Variants in MCMDC2 observed in about 807,000 individuals in gnomAD.
MCMDC2 encodes the protein minichromosome maintenance domain containing 2.
MCMDC2 carries 54 observed loss-of-function variants against 75.8 expected under a neutral mutation model. That is an observed-to-expected ratio of 0.71 (90% CI 0.57 to 0.89). MCMDC2 has a LOEUF of 0.89. Among genes scored for constraint, MCMDC2 ranks in the 40% least tolerant of loss-of-function variants. The pLI is 0.00. For missense variants in MCMDC2, 656 were observed against 780.4 expected (o/e 0.84, Z 1.90); for synonymous variants, 249 against 274.6 (o/e 0.91, Z 0.92).
At chr8:66,879,396 C>T (rs778143706) in intron 7 of MCMDC2, among the ~76,000 whole-genome samples, 17 of 152,136 alleles carry the variant, frequency 1.1e-4, no homozygotes, top group South Asian at 6.2e-4. Context: ...AGTTCAAGAC[C>T]AGCCTGGCCA....
Position 66,905,172 on chromosome 8 carries a change from ATAT to A in MCMDC2, c.1770-49_1770-47del. On this transcript the variant is annotated intron_variant, in intron 13 of 14. Coordinates refer to ENST00000422365, the MANE Select transcript of MCMDC2 (RefSeq NM_173518.5). ...TCTCGATTTGTTCCTGCCAAAATAT[ATAT>A]TATTTTTATAATATCAACATATTTT... is the stretch of plus-strand genomic sequence containing the variant. 3.1e-6 allele frequency: 4 copies of A among 1,294,468 alleles called. No homozygotes were observed. The Admixed American group carries it at 1.4e-4, about 44-fold the overall frequency. 80.2% of individuals were successfully genotyped at this position (1,294,468 alleles called of 1,614,324 possible). A position where few individuals can be genotyped will look rare whatever the true frequency, so the allele number is the denominator to read the frequency against.
rs139061054 is a variant in MCMDC2 at position 66,878,407 on chromosome 8, G to A, written c.482-167G>A. On this transcript the variant is annotated intron_variant, in intron 5 of 14. Transcript: ENST00000422365. ...CCAAGTGCAAAACTGAATTAATTCC[G>A]TTTTGAATTAGACTAATTTTAAAGG... Among the ~76,000 whole-genome samples the A allele has an allele frequency of 6.8e-3, 1,032 of 152,246 alleles. 14 individuals carry two copies. Among genetic ancestry groups the A allele is most frequent in the African/African-American group, 0.022 (930 of 41,538 alleles).
Position 66,918,067 on chromosome 8 carries a change from TTTTG to T in MCMDC2, c.1880-932_1880-929del, listed in dbSNP as rs546990380. ...TCCACATCCTCTCTAACACTTGTCATTTTGTTTTTTATTTTTATAATAAATCCTT... is the reference window on the plus strand; with the variant it reads ...TCCACATCCTCTCTAACACTTGTCATTTTTTTATTTTTATAATAAATCCTT... On this transcript the variant is annotated intron_variant, in intron 14 of 14. Transcript: ENST00000422365. 2.2e-3 allele frequency among the ~76,000 whole-genome samples: 332 copies of T among 152,318 alleles called. 4 individuals are homozygous for T. Among genetic ancestry groups the T allele is most frequent in the African/African-American group, 7.4e-3 (309 of 41,574 alleles).
chr8:66,876,492 GC>G (rs1343857752), intron 4 of MCMDC2, among the ~76,000 whole-genome samples: 1 of 151,904 alleles, frequency 6.6e-6, no homozygotes, highest in East Asian at 1.9e-4. Context: ...GCTCATATTA[GC>G]CTACCTTTTG....
At chr8:66,879,625 G>A (rs898650629) in intron 7 of MCMDC2, among the ~76,000 whole-genome samples, 1 of 152,096 alleles carries the variant, frequency 6.6e-6, no homozygotes, top group South Asian at 2.1e-4. Flanking sequence ...ACTTGTTTAT[G>A]CTTATAAATT....
In MCMDC2 at chr8:66,885,282, G is replaced by A. The variant is rs148001426; in HGVS notation, c.1073+1288G>A. 1.0e-4 allele frequency among the ~76,000 whole-genome samples: 15 copies of A among 150,432 alleles called. No individual in the cohort carries two copies. In the South Asian group the frequency reaches 1.0e-3, roughly 10 times the overall value. ...TGGGAGGTGGAGGTTGCAATGAGCC[G>A]AGATCGCACCACTGCACTCCAGCCT... On this transcript the variant is annotated intron_variant, in intron 9 of 14. Coordinates refer to ENST00000422365, the MANE Select transcript of MCMDC2 (RefSeq NM_173518.5).
At chr8:66,922,560 A>C (rs776002709), downstream of MCMDC2, 1 of 518,784 alleles carries the variant, frequency 1.9e-6, no homozygotes, top group Admixed American at 1.9e-5. Context: ...GCCAGCTATT[A>C]AACCTATCTG....
chr8:66,890,343 G>T (rs1365386728), intron 9 of MCMDC2, among the ~76,000 whole-genome samples: 1 of 151,354 alleles, frequency 6.6e-6, no homozygotes, highest in Admixed American at 6.6e-5. Context: ...TGGGATTACA[G>T]TTGTAAGCCA....
chr8:66,878,953 G>T (rs1306212652), intron 7 of MCMDC2, 34 bp downstream of exon 7: 1 of 1,339,418 alleles, frequency 7.5e-7, no homozygotes, highest in Non-Finnish European at 1.1e-6. Flanking sequence ...AAAAAAAATT[G>T]CTATAAATAT....
At chr8:66,898,517 G>A (rs775508392) in intron 12 of MCMDC2, among the ~76,000 whole-genome samples, 40 of 151,794 alleles carry the variant, frequency 2.6e-4, no homozygotes, top group African/African-American at 9.2e-4. Context: ...CCAGCTACTC[G>A]GGAGGATGAG....
chr8:66,906,249 C>G (rs990890651), intron 14 of MCMDC2, among the ~76,000 whole-genome samples: 1 of 152,162 alleles, frequency 6.6e-6, no homozygotes, highest in Admixed American at 6.5e-5. Flanking sequence ...TACCATTCTT[C>G]AAACCAAACC....
intron 9 of MCMDC2, among the ~76,000 whole-genome samples, chr8:66,885,641 A>G (rs1255469666): frequency 6.6e-6 from 1 of 152,186 alleles, no homozygotes; most frequent in Non-Finnish European, 1.5e-5. Flanking sequence ...AAATTTACAT[A>G]CAGTGAAATA....
At chr8:66,914,551 A>G (rs897124641) in intron 14 of MCMDC2, among the ~76,000 whole-genome samples, 1 of 152,238 alleles carries the variant, frequency 6.6e-6, no homozygotes, top group Non-Finnish European at 1.5e-5. Context: ...TAAGCCGAGT[A>G]AGCATCGTAG....
chr8:66,926,010 G>C (rs1813705538), downstream of MCMDC2, among the ~76,000 whole-genome samples: 1 of 152,052 alleles, frequency 6.6e-6, no homozygotes, highest in Non-Finnish European at 1.5e-5. Flanking sequence ...TTGGCCGATT[G>C]TGGTGACGCG....
At chr8:66,877,686 G>T (rs892412285) in intron 5 of MCMDC2, 142 bp downstream of exon 5, 1 of 561,650 alleles carries the variant, frequency 1.8e-6, no homozygotes, top group Non-Finnish European at 3.0e-6. Context: ...GCAACATGGA[G>T]AAACCTCGTC....
At chr8:66,894,413 C>A (rs2130830588) in intron 10 of MCMDC2, among the ~76,000 whole-genome samples, 1 of 152,352 alleles carries the variant, frequency 6.6e-6, no homozygotes, top group South Asian at 2.1e-4. Context: ...AAAGATAGGG[C>A]AAATCCATAG....
At chr8:66,904,460 G>A (rs921406028) in intron 13 of MCMDC2, among the ~76,000 whole-genome samples, 1 of 152,130 alleles carries the variant, frequency 6.6e-6, no homozygotes, top group Admixed American at 6.6e-5. Flanking sequence ...GTTATAGTTA[G>A]TTATGGTTAT....
chr8:66,881,968 A>T (rs1811590956), intron 8 of MCMDC2, among the ~76,000 whole-genome samples: 1 of 152,210 alleles, frequency 6.6e-6, no homozygotes, highest in Admixed American at 6.5e-5. Flanking sequence ...TATATATTCA[A>T]AGTGATCCCC....
intron 4 of MCMDC2, among the ~76,000 whole-genome samples, chr8:66,875,131 T>C (rs796681906): frequency 1.2e-4 from 19 of 152,262 alleles, no homozygotes; most frequent in African/African-American, 4.6e-4. Flanking sequence ...CCTTCATATA[T>C]CTACCACTCA....
Sources: allele counts gnomAD v4.1 joint callset (sites outside exome capture counted in the v4.1 genomes callset), GRCh38; gene constraint gnomAD v4.1.1; transcripts MANE v1.5; gene names NCBI Gene and HGNC (gene_info 2026-07-23, HGNC 2026-07-21).